TICRR: variants seen among roughly 807,000 people sequenced by gnomAD.
The protein encoded by TICRR is treslin.
Under a neutral mutation model 178.1 loss-of-function variants are expected in TICRR, and 132 were observed. That is an observed-to-expected ratio of 0.74 (90% confidence interval 0.64 to 0.86). TICRR has a LOEUF of 0.86. TICRR is among the 40% of genes least tolerant of loss of function. The pLI, the probability that TICRR is intolerant of heterozygous loss-of-function variation, is 0.00. For synonymous variants in TICRR, 991 were observed against 900.7 expected (o/e 1.10, Z -1.79); for missense variants, 2,587 against 2,334.3 (o/e 1.11, Z -2.23).
At chr15:89,596,491 C>G (rs559660548) in intron 7 of TICRR, among the ~76,000 whole-genome samples, 4 of 152,006 alleles carry the variant, frequency 2.6e-5, no homozygotes, top group African/African-American at 7.2e-5. Context: ...GGATTACAGG[C>G]GCATGCCACC....
chr15:89,578,887 G>T (rs2141949981), intron 1 of TICRR, among the ~76,000 whole-genome samples: 1 of 152,212 alleles, frequency 6.6e-6, no homozygotes, highest in African/African-American at 2.4e-5. Context: ...AGCCATGCTG[G>T]GCAAAAGGAA....
At chr15:89,602,051 C>G in intron 12 of TICRR, 75 bp downstream of exon 12, 1 of 1,550,900 alleles carries the variant, frequency 6.4e-7, no homozygotes, top group African/African-American at 1.4e-5. Flanking sequence ...AACTACAGTC[C>G]AGTCATCTTT....
At chr15:89,583,000 TA>T (rs752746698) in intron 2 of TICRR, 35 bp downstream of exon 2, 9 of 1,513,646 alleles carry the variant, frequency 5.9e-6, no homozygotes, top group African/African-American at 5.6e-5. Flanking sequence ...TTTTTTTTTT[TA>T]AATCTCAGTT....
chr15:89,592,185 T>G lies in TICRR; in HGVS notation c.1541+9T>G, dbSNP rs752732579. 6.2e-7 allele frequency: 1 copy of G among 1,609,722 alleles called. No individual in the cohort carries two copies. The highest frequency in any genetic ancestry group is 1.7e-5 in the Admixed American group (1 of 59,904). Reference sequence around the variant, plus strand: ...TTGATGGAGTCATTTGGGTAAAACGTTTTTATATCTCTTGAATATTGATTA... The same window carrying G: ...TTGATGGAGTCATTTGGGTAAAACGGTTTTATATCTCTTGAATATTGATTA... On this transcript the variant is annotated intron_variant, in intron 5 of 21. Coordinates refer to ENST00000268138, the MANE Select transcript of TICRR (RefSeq NM_152259.4).
At chr15:89,601,225 C>A in intron 9 of TICRR, 73 bp from the exon 10 acceptor site, 2 of 1,329,656 alleles carry the variant, frequency 1.5e-6, no homozygotes, top group Non-Finnish European at 2.1e-6. Context: ...ATAAATAGAT[C>A]TATGCTTACG....
intron 6 of TICRR, 74 bp downstream of exon 6, chr15:89,594,628 T>C: frequency 7.5e-7 from 1 of 1,329,870 alleles, no homozygotes; most frequent in Admixed American, 2.7e-5. Context: ...GGGCATTTCC[T>C]GAAATGAGGT....
At chr15:89,596,797 A>G (rs1272448462) in intron 7 of TICRR, among the ~76,000 whole-genome samples, 1 of 152,154 alleles carries the variant, frequency 6.6e-6, no homozygotes, top group Non-Finnish European at 1.5e-5. Flanking sequence ...ACCCTTAGAT[A>G]GTTAATAGTT....
chr15:89,601,520 C>T lies in TICRR; in HGVS notation c.2279C>T (p.Thr760Ile). The T allele has an allele frequency of 6.2e-7, 1 of 1,614,188 alleles. No homozygotes were observed. The highest frequency in any genetic ancestry group is 8.5e-7 in the Non-Finnish European group (1 of 1,180,032). The change falls in exon 11 of 22, where the codon ACT (threonine) becomes ATT (isoleucine). Residue 760 changes from threonine (T) to isoleucine (I), a missense_variant. Physicochemically the swap from Thr to Ile is moderately conservative, Grantham distance 89. Transcript: ENST00000268138. ...GATTTGCTGCGCATGGTGTGTTTAA[C>T]TGAGGATTCAGCGTACCTAGCAGAG... ...VTDLLRMVCL[T>I]EDSAYLAEFL...
rs768962221 is a variant in TICRR, at chr15:89,584,527, G to C, written c.1176G>C (p.Leu392=). ...GGCTGACTGCTGAAGAGTTACACCTGGTAGGTATCCTCCACACGGGAAGTT... is the reference window on the plus strand; with the variant it reads ...GGCTGACTGCTGAAGAGTTACACCTCGTAGGTATCCTCCACACGGGAAGTT... ...VSRLTAEELH[L]VADVDPGEGR... Residue 392 remains leucine (L), a splice_region_variant and synonymous_variant, in exon 3 of 22, where the codon CTG becomes CTC. Transcript: ENST00000268138. 1.3e-6 allele frequency: 2 copies of C among 1,551,828 alleles called. No individual in the cohort carries two copies. The highest frequency in any genetic ancestry group is 1.4e-5 in the African/African-American group (1 of 72,886).
At chr15:89,611,152 T>C (rs751075521) in intron 15 of TICRR, among the ~76,000 whole-genome samples, 6 of 152,214 alleles carry the variant, frequency 3.9e-5, no homozygotes, top group Non-Finnish European at 8.8e-5. Context: ...TGAGTTATTG[T>C]CTACTACCTT....
In TICRR at chr15:89,594,465, G is replaced by A. The variant is rs757906095; in HGVS notation, c.1592G>A (p.Gly531Asp). ...ANKEESSKTE[G>D]ELIHCLAELY... ...AAGGAAGAGTCTTCCAAAACTGAAG[G>A]CGAATTAATACATTGCCTTGCCGAG... is the stretch of plus-strand genomic sequence containing the variant. The change falls in exon 6 of 22, where the codon GGC becomes GAC. Residue 531 changes from glycine to aspartate, a missense_variant. Transcript: ENST00000268138. 3 of 1,612,652 alleles carry A rather than the reference G, an allele frequency of 1.9e-6. No individual in the cohort carries two copies. Among genetic ancestry groups the A allele is most frequent in the South Asian group, 1.1e-5 (1 of 90,958 alleles).
At chr15:89,610,510 T>C (rs958803108) in intron 15 of TICRR, among the ~76,000 whole-genome samples, 10 of 152,222 alleles carry the variant, frequency 6.6e-5, no homozygotes, top group Admixed American at 6.5e-4. Flanking sequence ...TGTCTGACAA[T>C]AATACAGCTC....
rs747941449 is a variant in TICRR, at chr15:89,575,817, G to A, written c.231G>A (p.Glu77=). The A allele has an allele frequency of 1.9e-6, 3 of 1,599,686 alleles. No homozygotes were observed. Among genetic ancestry groups the A allele is most frequent in the Non-Finnish European group, 2.6e-6 (3 of 1,174,806 alleles). Residue 77 remains glutamate (E), a synonymous_variant, in exon 1 of 22, where the codon GAG becomes GAA. Coordinates refer to ENST00000268138, the MANE Select transcript of TICRR (RefSeq NM_152259.4). ...GGTCCCGCTCGTGGGAGGACTTTGAGGAGGAGCTGGAGGCCAGGCTCGAGG... is the reference window on the plus strand; with the variant it reads ...GGTCCCGCTCGTGGGAGGACTTTGAAGAGGAGCTGGAGGCCAGGCTCGAGG... ...ELGSRSWEDF[E]EELEARLEDR...
chr15:89,624,770 A>G lies in TICRR; in HGVS notation c.4460A>G (p.Glu1487Gly), dbSNP rs751735500. 8.7e-6 allele frequency: 14 copies of G among 1,614,110 alleles called. No individual in the cohort carries two copies. In the African/African-American group the frequency reaches 1.9e-4, roughly 22 times the overall value. The change falls in exon 20 of 22, where the codon GAG becomes GGG. Residue 1487 changes from glutamate (E) to glycine (G), a missense_variant. By Grantham distance (98) the Glu-to-Gly change is moderately conservative. Transcript: ENST00000268138. Reference protein sequence around the residue: ...DLKSNVLSVEEGEGLRTADAE... With the variant: ...DLKSNVLSVEGGEGLRTADAE... ...AAAAGTAACGTCTTATCAGTGGAAG[A>G]GGGTGAGGGGCTAAGGACAGCAGAT...
At chr15:89,626,104 T>C in intron 21 of TICRR, 43 bp downstream of exon 21, 1 of 1,599,866 alleles carries the variant, frequency 6.3e-7, no homozygotes, top group Non-Finnish European at 8.5e-7. Flanking sequence ...TGTGACAGAC[T>C]GTCTGAATTC....
chr15:89,579,979 G>A (rs1343225506), intron 1 of TICRR: 1 of 152,124 alleles, frequency 6.6e-6, no homozygotes, highest in African/African-American at 2.4e-5. Flanking sequence ...ACCTTTAATA[G>A]AAACTTAAGG....
rs191419898 is a variant in TICRR at position 89,584,494 on chromosome 15, G to A, written c.1143G>A (p.Leu381=). The A allele has an allele frequency of 3.7e-5, 59 of 1,596,038 alleles. No homozygotes were observed. In the East Asian group the frequency reaches 1.2e-3, roughly 32 times the overall value. The change falls in exon 3 of 22, where the codon TTG becomes TTA. Residue 381 remains leucine, a synonymous_variant. Coordinates refer to ENST00000268138, the MANE Select transcript of TICRR (RefSeq NM_152259.4). ...TATQRLLFQQ[L]VSRLTAEELH... is the part of the protein sequence containing the mutation. ...CTCAAAGGCTGTTATTTCAGCAGTT[G>A]GTAAGCAGGCTGACTGCTGAAGAGT... is the stretch of plus-strand genomic sequence containing the variant.
chr15:89,608,126 C>T (rs1193335354), intron 14 of TICRR, among the ~76,000 whole-genome samples: 3 of 152,128 alleles, frequency 2.0e-5, no homozygotes, highest in Non-Finnish European at 4.4e-5. Flanking sequence ...GAATTATGTC[C>T]ATCTTACATT....
chr15:89,587,556 T>TA (rs1419743962), intron 4 of TICRR, among the ~76,000 whole-genome samples: 1 of 152,042 alleles, frequency 6.6e-6, no homozygotes, highest in Non-Finnish European at 1.5e-5. Flanking sequence ...GTCGCTGAGT[T>TA]AAAGAAAACC....
Sources: allele counts gnomAD v4.1 joint callset (sites outside exome capture counted in the v4.1 genomes callset), GRCh38; gene constraint gnomAD v4.1.1; transcripts MANE v1.5; gene names NCBI Gene and HGNC (gene_info 2026-07-23, HGNC 2026-07-21).